The following CDH13 variants were observed in gnomAD, a reference collection of about 807,000 sequenced individuals.
The protein encoded by CDH13 is cadherin-13.
CDH13 carries 24 observed loss-of-function variants against 63.8 expected under a neutral mutation model. The observed-to-expected ratio is 0.38, with a 90% CI of 0.27 to 0.53. The LOEUF is 0.53. Ranked by LOEUF, CDH13 falls within the 20% of genes least tolerant of loss-of-function variation. The probability of loss-of-function intolerance (pLI) is 0.85; values close to 1 mark genes in which losing one functional copy is unlikely to be tolerated. For missense variants in CDH13, 1,049 were observed against 903.1 expected (o/e 1.16, Z -2.07); for synonymous variants, 503 against 355.3 (o/e 1.42, Z -4.67).
intron 1 of CDH13, among the ~76,000 whole-genome samples, chr16:82,703,922 C>T (rs2031265175): frequency 6.6e-6 from 1 of 152,180 alleles, no homozygotes; most frequent in South Asian, 2.1e-4. Context: ...CCTGTGGCAT[C>T]CGTGTTATAG....
chr16:83,362,800 A>G (rs1029978219), intron 6 of CDH13, among the ~76,000 whole-genome samples: 3 of 152,190 alleles, frequency 2.0e-5, no homozygotes, highest in Non-Finnish European at 4.4e-5. Context: ...GGTCTCTAAC[A>G]TAAGCATTCA....
intron 4 of CDH13, among the ~76,000 whole-genome samples, chr16:83,189,154 T>A (rs983635332): frequency 7.1e-6 from 1 of 140,040 alleles, no homozygotes; most frequent in Admixed American, 6.9e-5. Context: ...AAGCGGTCAC[T>A]TTGTTCGGTG....
chr16:83,633,563 T>C (rs1441748099), intron 8 of CDH13, among the ~76,000 whole-genome samples: 1 of 152,206 alleles, frequency 6.6e-6, no homozygotes, highest in African/African-American at 2.4e-5. Context: ...AAGGGTTTTT[T>C]TCTCCATTGA....
rs185330191 is a variant in CDH13 at position 82,942,759 on chromosome 16, T to C, written c.157+84286T>C. On this transcript the variant is annotated intron_variant, in intron 2 of 13. Transcript: ENST00000567109. ...ATTGAGGTTTAAAGAGAACATGTGATATGCCCAAGGTCACAGAGTTGATGA... is the reference window on the plus strand; with the variant it reads ...ATTGAGGTTTAAAGAGAACATGTGACATGCCCAAGGTCACAGAGTTGATGA... 1.4e-4 allele frequency among the ~76,000 whole-genome samples: 21 copies of C among 152,214 alleles called. No individual in the cohort carries two copies. In the East Asian group the frequency reaches 2.3e-3, roughly 17 times the overall value.
At chr16:83,449,320 A>T (rs868671864) in intron 6 of CDH13, among the ~76,000 whole-genome samples, 4 of 152,040 alleles carry the variant, frequency 2.6e-5, no homozygotes, top group African/African-American at 9.7e-5. Context: ...TAAAGATCTC[A>T]TGGTACCAAG....
chr16:83,061,256 C>T (rs943287082), intron 3 of CDH13, among the ~76,000 whole-genome samples: 1 of 152,190 alleles, frequency 6.6e-6, no homozygotes, highest in Non-Finnish European at 1.5e-5. Flanking sequence ...AAATCAGCAT[C>T]TCCTGGAGAT....
intron 10 of CDH13, among the ~76,000 whole-genome samples, chr16:83,696,908 G>A (rs1905483224): frequency 6.6e-6 from 1 of 152,218 alleles, no homozygotes; most frequent in South Asian, 2.1e-4. Flanking sequence ...TCACACTGAA[G>A]TAAAACCCAG....
intron 10 of CDH13, among the ~76,000 whole-genome samples, chr16:83,715,677 G>A (rs1219989118): frequency 6.6e-6 from 1 of 152,302 alleles, no homozygotes; most frequent in South Asian, 2.1e-4. Flanking sequence ...GTCCCTCAGG[G>A]GAGCCCTGGT....
intron 2 of CDH13, among the ~76,000 whole-genome samples, chr16:82,923,823 C>G (rs971582874): frequency 5.3e-5 from 8 of 152,072 alleles, no homozygotes; most frequent in Non-Finnish European, 1.2e-4. Context: ...GCATTTGAAA[C>G]GAACATTGGT....
chr16:83,778,798 G>C (rs1915301040), intron 11 of CDH13, among the ~76,000 whole-genome samples: 1 of 152,074 alleles, frequency 6.6e-6, no homozygotes, highest in African/African-American at 2.4e-5. Context: ...GGCACCATCA[G>C]CCATCTGAGA....
At chr16:83,134,193 G>C (rs1242285642) in intron 4 of CDH13, among the ~76,000 whole-genome samples, 1 of 152,048 alleles carries the variant, frequency 6.6e-6, no homozygotes, top group East Asian at 1.9e-4. Flanking sequence ...ATTCTTAGTA[G>C]ATTTGTTTTT....
At chr16:83,005,746 C>G (rs1913424876) in intron 2 of CDH13, among the ~76,000 whole-genome samples, 2 of 152,124 alleles carry the variant, frequency 1.3e-5, no homozygotes, top group Admixed American at 1.3e-4. Context: ...CTTTTTGTTT[C>G]TTTTGCTTTG....
chr16:83,127,764 A>G (rs979479332), intron 4 of CDH13, among the ~76,000 whole-genome samples: 2 of 152,164 alleles, frequency 1.3e-5, no homozygotes, highest in African/African-American at 4.8e-5. Context: ...CTTTATTGCA[A>G]ATTGAAAGAA....
intron 2 of CDH13, among the ~76,000 whole-genome samples, chr16:82,897,031 C>T (rs1370490417): frequency 5.9e-5 from 9 of 151,600 alleles, no homozygotes; most frequent in South Asian, 2.1e-4. Context: ...TTTCCTGCCT[C>T]GGCCTCCCAA....
At chr16:82,938,241 C>T (rs1306645088) in intron 2 of CDH13, among the ~76,000 whole-genome samples, 1 of 152,178 alleles carries the variant, frequency 6.6e-6, no homozygotes, top group Non-Finnish European at 1.5e-5. Flanking sequence ...TGCCTGGTTA[C>T]ATTGTATATC....
At chr16:83,560,913 C>T (rs1359473297) in intron 7 of CDH13, among the ~76,000 whole-genome samples, 1 of 152,042 alleles carries the variant, frequency 6.6e-6, no homozygotes, top group African/African-American at 2.4e-5. Context: ...CCCCCCCGCC[C>T]CAGGGGCTGA....
At chr16:83,083,610 A>G (rs2033402270) in intron 3 of CDH13, among the ~76,000 whole-genome samples, 1 of 152,232 alleles carries the variant, frequency 6.6e-6, no homozygotes, top group Non-Finnish European at 1.5e-5. Flanking sequence ...CTGCCTTCCA[A>G]TAACATGAAA....
chr16:82,748,504 T>A (rs2034276766), intron 1 of CDH13, among the ~76,000 whole-genome samples: 1 of 152,206 alleles, frequency 6.6e-6, no homozygotes, highest in East Asian at 1.9e-4. Flanking sequence ...TTGTATGGGA[T>A]AGATATCTGT....
intron 7 of CDH13, among the ~76,000 whole-genome samples, chr16:83,505,693 G>T (rs140207022): frequency 0.016 from 2,400 of 151,924 alleles, 19 homozygotes; most frequent in South Asian, 0.031. Context: ...ACAGGCATGC[G>T]CCTCCACGCC....
Sources: gnomAD v4.1 joint callset for allele counts (sites outside exome capture counted in the v4.1 genomes callset) on GRCh38, gnomAD v4.1.1 for gene constraint, MANE v1.5 for transcripts, NCBI Gene and HGNC (gene_info 2026-07-23, HGNC 2026-07-21) for gene names.